LMO7: variants seen among roughly 807,000 people sequenced by gnomAD.
LMO7 encodes the protein LIM domain only protein 7.
A neutral mutation model predicts 206.5 loss-of-function variants in LMO7; 120 were observed. The observed-to-expected ratio is 0.58, with a 90% CI of 0.50 to 0.68. The LOEUF (loss-of-function observed/expected upper bound fraction) is 0.68. Ranked by LOEUF, LMO7 falls within the 30% of genes least tolerant of loss-of-function variation. The pLI, the probability that LMO7 is intolerant of heterozygous loss-of-function variation, is 0.00. For missense variants in LMO7, 1,959 were observed against 1,957.9 expected (o/e 1.00, Z -0.01); for synonymous variants, 706 against 681.5 (o/e 1.04, Z -0.56).
rs769564323 is a variant in LMO7 at position 75,807,863 on chromosome 13, A to C, written c.1580A>C (p.Lys527Thr). 3 of 1,613,996 alleles carry C rather than the reference A, an allele frequency of 1.9e-6. No individual in the cohort carries two copies. The highest frequency in any genetic ancestry group is 2.5e-6 in the Non-Finnish European group (3 of 1,179,890). The part of the protein sequence containing the change: ...MIVRRIPAQK[K>T]EVPLSGAPDR... ...GTTCGCCGAATTCCAGCACAGAAGA[A>C]AGAAGTGCCGCTGTCTGGGGCCCCA... Residue 527 changes from lysine (K) to threonine (T), a missense_variant, in exon 10 of 31, where the codon AAA becomes ACA. Coordinates refer to ENST00000377534, the MANE Select transcript of LMO7 (RefSeq NM_001306080.2).
chr13:75,845,452 TA>T (rs2059913268), intron 26 of LMO7, 73 bp downstream of exon 26: 2 of 881,684 alleles, frequency 2.3e-6, no homozygotes, highest in Non-Finnish European at 3.7e-6. Flanking sequence ...GAAGTATTTT[TA>T]AGGTCAAGAT....
At chr13:75,657,396 A>G (rs781085999) in intron 1 of LMO7, among the ~76,000 whole-genome samples, 6 of 152,186 alleles carry the variant, frequency 3.9e-5, no homozygotes, top group Admixed American at 6.5e-5. Context: ...CATGGGTGCA[A>G]AGTATCTCAT....
intron 1 of LMO7, among the ~76,000 whole-genome samples, chr13:75,707,824 G>A (rs2042773632): frequency 6.6e-6 from 1 of 151,730 alleles, no homozygotes; most frequent in African/African-American, 2.4e-5. Context: ...TGGAAAGTAC[G>A]TAAGTACAAG....
In LMO7 at chr13:75,713,256, A is replaced by G; in HGVS notation, c.140+4A>G. 2.5e-6 allele frequency: 4 copies of G among 1,582,600 alleles called. No individual in the cohort carries two copies. The highest frequency in any genetic ancestry group is 3.5e-6 in the Non-Finnish European group (4 of 1,157,608). On this transcript the variant is annotated splice_donor_region_variant and intron_variant, in intron 2 of 30. Coordinates refer to ENST00000377534, the MANE Select transcript of LMO7 (RefSeq NM_001306080.2). Reference sequence around the variant, plus strand: ...AAAATGGTGTTCTGCTGTGTGAGTAAGTATTTAAAGTATTTAAAAAATAAT... The same window carrying G: ...AAAATGGTGTTCTGCTGTGTGAGTAGGTATTTAAAGTATTTAAAAAATAAT...
chr13:75,857,032 C>T (rs1389983987), intron 30 of LMO7: 1 of 154,156 alleles, frequency 6.5e-6, no homozygotes, highest in African/African-American at 2.4e-5. Context: ...TAGAATATGA[C>T]CAACTTTAAA....
intron 7 of LMO7, 51 bp from the exon 8 acceptor site, chr13:75,804,238 G>GA: frequency 6.4e-7 from 1 of 1,574,698 alleles, no homozygotes; most frequent in Non-Finnish European, 8.6e-7. Flanking sequence ...GTGGGTTTCA[G>GA]TTAGGCGAAT....
At chr13:75,851,004 G>A (rs530030997) in intron 27 of LMO7, among the ~76,000 whole-genome samples, 1 of 152,272 alleles carries the variant, frequency 6.6e-6, no homozygotes, top group African/African-American at 2.4e-5. Flanking sequence ...CTACCCCATG[G>A]CATGGGACCT....
At chr13:75,734,367 A>G (rs1390670625) in intron 3 of LMO7, among the ~76,000 whole-genome samples, 1 of 152,246 alleles carries the variant, frequency 6.6e-6, no homozygotes, top group African/African-American at 2.4e-5. Flanking sequence ...TTGCAATGAT[A>G]GGAGTCTGTT....
At chr13:75,726,485 TC>T (rs1251877495) in intron 2 of LMO7, among the ~76,000 whole-genome samples, 6 of 152,138 alleles carry the variant, frequency 3.9e-5, no homozygotes, top group Middle Eastern at 3.4e-3. Flanking sequence ...GCCCAGTCGT[TC>T]TGCTGCGGTA....
intron 1 of LMO7, among the ~76,000 whole-genome samples, chr13:75,666,082 A>G (rs1275778098): frequency 6.6e-6 from 1 of 152,246 alleles, no homozygotes; most frequent in Non-Finnish European, 1.5e-5. Flanking sequence ...TTGGAGTCAG[A>G]GGAAACTTTT....
intron 2 of LMO7, among the ~76,000 whole-genome samples, chr13:75,720,960 C>T (rs769674810): frequency 2.0e-5 from 3 of 152,066 alleles, no homozygotes; most frequent in Non-Finnish European, 2.9e-5. Flanking sequence ...GGTTATTTTA[C>T]TCATGGACAT....
At chr13:75,736,206 G>A (rs1419030871) in intron 3 of LMO7, among the ~76,000 whole-genome samples, 7 of 152,146 alleles carry the variant, frequency 4.6e-5, no homozygotes, top group African/African-American at 1.7e-4. Context: ...TGTGTTTCCG[G>A]TATATTAAAT....
At chr13:75,621,379 G>A (rs902343552) in exon 1 of LMO7, 1 of 161,704 alleles carries the variant, frequency 6.2e-6, no homozygotes, top group African/African-American at 2.4e-5. Flanking sequence ...TACCAAGGAT[G>A]ATTGGAATTT....
At chr13:75,760,647 G>A (rs1594777812) in intron 3 of LMO7, 1 of 1,477,456 alleles carries the variant, frequency 6.8e-7, no homozygotes, top group East Asian at 2.5e-5. Context: ...TCAGTGGCTA[G>A]GCACTTGTCC....
chr13:75,636,697 G>A lies in LMO7; in HGVS notation c.40G>A (p.Ala14Thr). ...GGAGGCAGAGGCCAACTGCTCCGTG[G>A]CGTTCGCTGAGGCTCAGAGATGGGT... ...LEEAEANCSV[A>T]FAEAQRWVEA... Residue 14 changes from alanine (A) to threonine (T), a missense_variant, in exon 1 of 31, where the codon GCG becomes ACG. Ala to Thr is a moderately conservative substitution (Grantham distance 58). Transcript: ENST00000377534. 6.2e-7 allele frequency: 1 copy of A among 1,609,852 alleles called. No homozygotes were observed. The highest frequency in any genetic ancestry group is 1.7e-4 in the Middle Eastern group (1 of 6,058).
intron 1 of LMO7, among the ~76,000 whole-genome samples, chr13:75,676,447 A>C (rs1348079089): frequency 6.6e-6 from 1 of 152,186 alleles, no homozygotes; most frequent in Non-Finnish European, 1.5e-5. Context: ...ATAACTTGTA[A>C]GTGTCTTTGC....
intron 15 of LMO7, among the ~76,000 whole-genome samples, chr13:75,829,747 A>G (rs2058479278): frequency 1.3e-5 from 2 of 151,934 alleles, no homozygotes; most frequent in Admixed American, 1.3e-4. Context: ...ATCTTAATTC[A>G]ACAGATTTAG....
At position 75,859,069 on chromosome 13, in the gene LMO7, C is replaced by A. The variant is rs1268478481; in HGVS notation, c.*1126C>A. The A allele has an allele frequency of 4.6e-5, 7 of 152,016 alleles. No homozygotes were observed. Among genetic ancestry groups the A allele is most frequent in the African/African-American group, 9.7e-5 (4 of 41,378 alleles). 9.4% of individuals were successfully genotyped at this position (152,016 alleles called of 1,614,324 possible). A position where few individuals can be genotyped will look rare whatever the true frequency, so the allele number is the denominator to read the frequency against. On this transcript the variant is annotated 3_prime_UTR_variant, in exon 31 of 31. Coordinates refer to ENST00000377534, the MANE Select transcript of LMO7 (RefSeq NM_001306080.2). ...ATCTATAAAGCAAAAAATGTAGTCT[C>A]TTGTTTAAAAAATCTGGAGCGGGAA... is the stretch of plus-strand genomic sequence containing the variant.
intron 3 of LMO7, among the ~76,000 whole-genome samples, chr13:75,753,014 T>C (rs1346015345): frequency 6.6e-6 from 1 of 152,226 alleles, no homozygotes; most frequent in Non-Finnish European, 1.5e-5. Context: ...TCCACACTGT[T>C]TTCCATAGAG....
Sources: gnomAD v4.1 joint callset for allele counts (sites outside exome capture counted in the v4.1 genomes callset) on GRCh38, gnomAD v4.1.1 for gene constraint, MANE v1.5 for transcripts, NCBI Gene and HGNC (gene_info 2026-07-23, HGNC 2026-07-21) for gene names.